The following SOBP variants were observed in gnomAD, a reference collection of about 807,000 sequenced individuals.
SOBP encodes sine oculis binding protein homolog.
Under a neutral mutation model 53.6 loss-of-function variants are expected in SOBP, and 4 were observed. The observed-to-expected ratio is 0.07, with a 90% confidence interval of 0.04 to 0.17. The LOEUF is 0.17. Among genes scored for constraint, SOBP ranks in the 10% least tolerant of loss-of-function variants. SOBP has a pLI of 1.00. For synonymous variants in SOBP, 584 were observed against 522.6 expected (o/e 1.12, Z -1.60); for missense variants, 1,088 against 1,204.7 (o/e 0.90, Z 1.43).
rs1468805348 is a variant in SOBP at position 107,586,964 on chromosome 6, ATAT to A, written c.574-114_574-112del. 2.1e-5 allele frequency: 17 copies of A among 826,414 alleles called. No homozygotes were observed. In the African/African-American group the frequency reaches 2.3e-4, roughly 11 times the overall value. 51.2% of individuals were successfully genotyped at this position (826,414 alleles called of 1,614,324 possible). A position where few individuals can be genotyped will look rare whatever the true frequency, so the allele number is the denominator to read the frequency against. On this transcript the variant is annotated intron_variant, in intron 4 of 6. Coordinates refer to ENST00000317357, the MANE Select transcript of SOBP (RefSeq NM_018013.4). ...ACTGCGTATTTAAACAAACTTCTTA[ATAT>A]TGTTGTTATTTCTGGATTCCCGTTT...
At chr6:107,500,025 CTG>C (rs1009454890) in intron 1 of SOBP, among the ~76,000 whole-genome samples, 3 of 152,070 alleles carry the variant, frequency 2.0e-5, no homozygotes, top group African/African-American at 7.2e-5. Context: ...TGAAAAGTAA[CTG>C]TTGGAATTCT....
At chr6:107,622,929 T>C (rs368422850) in intron 5 of SOBP, among the ~76,000 whole-genome samples, 34 of 152,360 alleles carry the variant, frequency 2.2e-4, no homozygotes, top group African/African-American at 7.9e-4. Flanking sequence ...AACAGAGCAG[T>C]TAATAATTCC....
chr6:107,572,665 G>A (rs1180674868), intron 4 of SOBP, among the ~76,000 whole-genome samples: 1 of 152,152 alleles, frequency 6.6e-6, no homozygotes, highest in Non-Finnish European at 1.5e-5. Context: ...AAATCTCCCT[G>A]TCGTTTATCT....
At chr6:107,552,525 C>A (rs575455684) in intron 4 of SOBP, among the ~76,000 whole-genome samples, 3 of 152,158 alleles carry the variant, frequency 2.0e-5, no homozygotes, top group Non-Finnish European at 4.4e-5. Context: ...AAGCTTCTCA[C>A]TGTCATTCTG....
chr6:107,589,518 CT>C (rs1033897429), intron 5 of SOBP, among the ~76,000 whole-genome samples: 12 of 152,178 alleles, frequency 7.9e-5, no homozygotes, highest in Non-Finnish European at 1.5e-5. Flanking sequence ...TCAGAAGGCA[CT>C]GACAAAGAAA....
At chr6:107,651,205 T>C (rs1425905225) in intron 6 of SOBP, among the ~76,000 whole-genome samples, 1 of 152,202 alleles carries the variant, frequency 6.6e-6, no homozygotes, top group Non-Finnish European at 1.5e-5. Flanking sequence ...AATTTGAGGC[T>C]GCAGTGAGCT....
At chr6:107,583,401 G>A (rs1785464620) in intron 4 of SOBP, among the ~76,000 whole-genome samples, 1 of 152,210 alleles carries the variant, frequency 6.6e-6, no homozygotes, top group Non-Finnish European at 1.5e-5. Context: ...AGAGGTTTGG[G>A]AAGGCCTTTT....
chr6:107,565,125 A>T (rs1278199923), intron 4 of SOBP, among the ~76,000 whole-genome samples: 1 of 152,236 alleles, frequency 6.6e-6, no homozygotes, highest in Non-Finnish European at 1.5e-5. Context: ...ATTTCAACTC[A>T]TGCAGTGATG....
intron 5 of SOBP, among the ~76,000 whole-genome samples, chr6:107,625,703 G>C (rs1225264380): frequency 6.6e-6 from 1 of 152,210 alleles, no homozygotes; most frequent in Non-Finnish European, 1.5e-5. Context: ...CCCTGGCGTG[G>C]GGGTTGGGGG....
At chr6:107,613,791 ACTGG>A (rs142150080) in intron 5 of SOBP, among the ~76,000 whole-genome samples, 399 of 152,358 alleles carry the variant, frequency 2.6e-3, no homozygotes, top group African/African-American at 9.0e-3. Flanking sequence ...ATCAATTTAT[ACTGG>A]CTTCTAGAAG....
At chr6:107,557,099 G>A (rs540372901) in intron 4 of SOBP, among the ~76,000 whole-genome samples, 51 of 152,022 alleles carry the variant, frequency 3.4e-4, no homozygotes, top group Non-Finnish European at 6.5e-4. Context: ...ATATATATGT[G>A]TACTTGGTAC....
chr6:107,611,808 T>A (rs1786609748), intron 5 of SOBP, among the ~76,000 whole-genome samples: 2 of 152,144 alleles, frequency 1.3e-5, no homozygotes, highest in South Asian at 4.1e-4. Context: ...TGAGCAGGAA[T>A]AAAAATAGAT....
At chr6:107,539,537 C>T (rs927149217) in intron 4 of SOBP, among the ~76,000 whole-genome samples, 6 of 152,112 alleles carry the variant, frequency 3.9e-5, no homozygotes, top group African/African-American at 7.2e-5. Context: ...TCGGAACTGC[C>T]GGTAATTATC....
chr6:107,572,135 T>G (rs887819358), intron 4 of SOBP, among the ~76,000 whole-genome samples: 2 of 152,138 alleles, frequency 1.3e-5, no homozygotes, highest in East Asian at 3.8e-4. Context: ...TAAGAGATGA[T>G]GTTTCAGAAA....
chr6:107,545,004 A>G (rs1447212992), intron 4 of SOBP, among the ~76,000 whole-genome samples: 1 of 152,224 alleles, frequency 6.6e-6, no homozygotes, highest in Admixed American at 6.5e-5. Flanking sequence ...ATAATACTGT[A>G]ATAATCACAA....
At chr6:107,587,798 A>G (rs2115060900) in intron 5 of SOBP, among the ~76,000 whole-genome samples, 1 of 152,344 alleles carries the variant, frequency 6.6e-6, no homozygotes, top group Admixed American at 6.5e-5. Flanking sequence ...ATTTACAGCC[A>G]GACAAGATGA....
chr6:107,561,946 A>T (rs569858317), intron 4 of SOBP, among the ~76,000 whole-genome samples: 6 of 152,168 alleles, frequency 3.9e-5, no homozygotes, highest in Admixed American at 1.3e-4. Context: ...TGTGGTGTTC[A>T]AAAGAGATGA....
chr6:107,533,315 G>T, intron 3 of SOBP, 144 bp from the exon 4 acceptor site: 1 of 510,782 alleles, frequency 2.0e-6, no homozygotes, highest in Non-Finnish European at 3.5e-6. Context: ...GAAAGAGAGA[G>T]AGAGAGAGAA....
Position 107,635,571 on chromosome 6 carries a change from G to T in SOBP, c.*3+102G>T. On this transcript the variant is annotated intron_variant, in intron 6 of 6. Transcript: ENST00000317357. The surrounding 1 kb of genome is among the most constrained non-coding windows in gnomAD (Gnocchi z 4.5). ...TTGTAATTATAGTCATGATTTTACC[G>T]TGTGTGTTTTATATTGCACACGGTG... 1 of 1,516,486 alleles carries T rather than the reference G, an allele frequency of 6.6e-7. No homozygotes were observed. Among genetic ancestry groups the T allele is most frequent in the African/African-American group, 1.4e-5 (1 of 73,256 alleles). 93.9% of individuals were successfully genotyped at this position (1,516,486 alleles called of 1,614,324 possible).
Sources: allele counts gnomAD v4.1 joint callset (sites outside exome capture counted in the v4.1 genomes callset), GRCh38; gene constraint gnomAD v4.1.1; non-coding constraint Gnocchi (gnomAD v3.1); transcripts MANE v1.5; gene names NCBI Gene and HGNC (gene_info 2026-07-23, HGNC 2026-07-21).